NF1: variants seen among roughly 807,000 people sequenced by gnomAD.
NF1 encodes neurofibromin 1, also known as neurofibromin.
Under a neutral mutation model 325.7 loss-of-function variants are expected in NF1, and 122 were observed. That is an observed-to-expected ratio of 0.37 (90% CI 0.32 to 0.44). NF1 has a LOEUF of 0.44. NF1 is among the 20% of genes least tolerant of loss of function. The probability of loss-of-function intolerance (pLI) is 1.00; values close to 1 mark genes in which losing one functional copy is unlikely to be tolerated. For synonymous variants in NF1, 1,091 were observed against 1,186.0 expected, an observed-to-expected ratio of 0.92 and a Z score of 1.65; for missense variants, 2,140 against 3,415.4, an observed-to-expected ratio of 0.63 and a Z score of 9.31.
rs768611775 is a variant in NF1 at position 31,230,332 on chromosome 17, A to C, written c.3063A>C (p.Val1021=). ...CGAAACTGTGTCAATTAGTTGAAGTAATGATGGCAAGGAGAGATGACCTCT... is the reference window on the plus strand; with the variant it reads ...CGAAACTGTGTCAATTAGTTGAAGTCATGATGGCAAGGAGAGATGACCTCT... ...IKTKLCQLVE[V]MMARRDDLSF... is the part of the protein sequence containing the mutation. Residue 1021 remains valine, a synonymous_variant, in exon 23 of 58, where the codon GTA becomes GTC. Coordinates refer to ENST00000358273, the MANE Select transcript of NF1 (RefSeq NM_001042492.3). The C allele has an allele frequency of 2.7e-5, 44 of 1,613,550 alleles. No homozygotes were observed. Among genetic ancestry groups the C allele is most frequent in the Non-Finnish European group, 3.6e-5 (43 of 1,179,602 alleles).
rs559973245 is a variant in NF1 at position 31,318,511 on chromosome 17, C to T, written c.4836-7309C>T. 7 of 1,613,964 alleles carry T rather than the reference C, an allele frequency of 4.3e-6. No individual in the cohort carries two copies. Among genetic ancestry groups the T allele is most frequent in the South Asian group, 2.2e-5 (2 of 91,072 alleles). On this transcript the variant is annotated intron_variant, in intron 36 of 57. Transcript: ENST00000358273. ...CTGACGCTTGCCTACTTGTTTTGAT[C>T]GTCTGAGAGAAGAGACTTTGTTTGC...
Position 31,349,241 on chromosome 17 carries a change from C to A in NF1, c.7311C>A (p.Ala2437=), listed in dbSNP as rs876659893. 6.2e-7 allele frequency: 1 copy of A among 1,612,916 alleles called. No individual in the cohort carries two copies. Among genetic ancestry groups the A allele is most frequent in the Non-Finnish European group, 8.5e-7 (1 of 1,179,706 alleles). Residue 2437 remains alanine (A), a synonymous_variant, in exon 49 of 58, where the codon GCC becomes GCA. Transcript: ENST00000358273. ...TTGAAGTGAATACACAGAGCGTGGC[C>A]TACTTAGCAGGTAAAAACACAAAAT... ...DKFEVNTQSV[A]YLAALLTVSE...
rs1457595295 is a variant in NF1 at position 31,356,408 on chromosome 17, T to C, written c.7616-52T>C. ...ACATTTTCTTTTTAGTGTATTCCCATTTATAGACACTGTAGTTAATGAACT... is the reference window on the plus strand; with the variant it reads ...ACATTTTCTTTTTAGTGTATTCCCACTTATAGACACTGTAGTTAATGAACT... On this transcript the variant is annotated intron_variant, in intron 51 of 57. Transcript: ENST00000358273. 7 of 1,585,674 alleles carry C rather than the reference T, an allele frequency of 4.4e-6. No homozygotes were observed. The South Asian group carries it at 7.8e-5, about 18-fold the overall frequency.
chr17:31,121,392 A>ATTTT (rs1914414877), intron 1 of NF1, among the ~76,000 whole-genome samples: 4 of 115,636 alleles, frequency 3.5e-5, no homozygotes, highest in African/African-American at 1.5e-4. Context: ...GCAAATCACT[A>ATTTT]TTCTTTTTTT....
At chr17:31,097,056 T>C (rs1911792149) in intron 1 of NF1, among the ~76,000 whole-genome samples, 1 of 152,222 alleles carries the variant, frequency 6.6e-6, no homozygotes, top group South Asian at 2.1e-4. Context: ...TCTCCTTAAA[T>C]TTTAAAAATT....
At chr17:31,325,772 A>T in intron 36 of NF1, 48 bp from the exon 37 acceptor site, 1 of 1,432,228 alleles carries the variant, frequency 7.0e-7, no homozygotes, top group African/African-American at 1.4e-5. Context: ...CTGTATATTT[A>T]TTTTAAACAC....
intron 29 of NF1, among the ~76,000 whole-genome samples, chr17:31,244,856 G>C (rs1230871455): frequency 2.0e-5 from 3 of 152,120 alleles, no homozygotes; most frequent in Non-Finnish European, 4.4e-5. Flanking sequence ...TCCAATAAGG[G>C]GGACGATCCC....
intron 28 of NF1, 51 bp from the exon 29 acceptor site, chr17:31,235,867 G>A: frequency 6.2e-7 from 1 of 1,609,296 alleles, no homozygotes; most frequent in South Asian, 1.1e-5. Flanking sequence ...TTCTTTTAAG[G>A]TAAAATATAT....
In NF1 at chr17:31,278,531, T is replaced by A. The variant is rs866018457; in HGVS notation, c.4835+13192T>A. On this transcript the variant is annotated intron_variant, in intron 36 of 57. Transcript: ENST00000358273. ...TTTTTTTTTTTTTTTTTTTTTTTTTTAGAAAATCCTATTAAGTTTTATGCC... is the reference window on the plus strand; with the variant it reads ...TTTTTTTTTTTTTTTTTTTTTTTTTAAGAAAATCCTATTAAGTTTTATGCC... Among the ~76,000 whole-genome samples, 806 of 118,184 alleles carry A rather than the reference T, an allele frequency of 6.8e-3. 22 individuals are homozygous for A. The highest frequency in any genetic ancestry group is 0.024 in the African/African-American group (772 of 32,428). 77.5% of individuals were successfully genotyped at this position (118,184 alleles called of 152,430 possible).
chr17:31,341,172 GA>G, intron 47 of NF1, among the ~76,000 whole-genome samples: 1 of 152,160 alleles, frequency 6.6e-6, no homozygotes, highest in East Asian at 1.9e-4. Context: ...GAGTCTAAAG[GA>G]AACTTTTGGG....
At chr17:31,264,478 A>G (rs544737363) in intron 35 of NF1, among the ~76,000 whole-genome samples, 1 of 152,276 alleles carries the variant, frequency 6.6e-6, no homozygotes, top group South Asian at 2.1e-4. Flanking sequence ...GCATACAGTC[A>G]GTATAGACAG....
chr17:31,145,769 A>G (rs1426879290), intron 1 of NF1, among the ~76,000 whole-genome samples: 1 of 152,188 alleles, frequency 6.6e-6, no homozygotes, highest in Non-Finnish European at 1.5e-5. Flanking sequence ...CTAAAGGGAG[A>G]TGAAGTAAAG....
chr17:31,256,001 G>A (rs1484484072), intron 31 of NF1, among the ~76,000 whole-genome samples: 1 of 152,096 alleles, frequency 6.6e-6, no homozygotes, highest in Non-Finnish European at 1.5e-5. Flanking sequence ...ATTTTAATGA[G>A]TTAAACGTAT....
intron 8 of NF1, among the ~76,000 whole-genome samples, chr17:31,188,314 G>A (rs1488321216): frequency 6.6e-6 from 1 of 152,274 alleles, no homozygotes; most frequent in East Asian, 1.9e-4. Flanking sequence ...AAACATGTTT[G>A]TGCATGTATA....
At chr17:31,102,972 A>C (rs1912489357) in intron 1 of NF1, among the ~76,000 whole-genome samples, 1 of 151,776 alleles carries the variant, frequency 6.6e-6, no homozygotes, top group African/African-American at 2.4e-5. Flanking sequence ...CAGCCTCCCA[A>C]GTAGCTGGCA....
intron 36 of NF1, chr17:31,304,275 T>C: frequency 6.2e-7 from 1 of 1,608,640 alleles, no homozygotes; most frequent in Admixed American, 1.7e-5. Flanking sequence ...ATAACAGTTC[T>C]GCAGGTGGAG....
chr17:31,190,447 C>T lies in NF1; in HGVS notation c.888+7782C>T, dbSNP rs2066323426. Among the ~76,000 whole-genome samples, 6 of 152,218 alleles carry T rather than the reference C, an allele frequency of 3.9e-5. No individual in the cohort carries two copies. The South Asian group carries it at 1.0e-3, about 26-fold the overall frequency. ...TTTTAAAATGAAATTATTTTATGCACATTACTCTGCATCGTTGTTTATCTA... is the reference window on the plus strand; with the variant it reads ...TTTTAAAATGAAATTATTTTATGCATATTACTCTGCATCGTTGTTTATCTA... On this transcript the variant is annotated intron_variant, in intron 8 of 57. Transcript: ENST00000358273.
rs1228064933 is a variant in NF1 at position 31,286,900 on chromosome 17, G to T, written c.4835+21561G>T. Among the ~76,000 whole-genome samples the T allele has an allele frequency of 2.0e-5, 3 of 152,180 alleles. No individual in the cohort carries two copies. In the East Asian group the frequency reaches 5.8e-4, roughly 29 times the overall value. On this transcript the variant is annotated intron_variant, in intron 36 of 57. Coordinates refer to ENST00000358273, the MANE Select transcript of NF1 (RefSeq NM_001042492.3). Reference sequence around the variant, plus strand: ...CTTAGTTAATTTTCTGTTGAGGCAAGCATTTGACATTCATTCGAATTCCCT... The same window carrying T: ...CTTAGTTAATTTTCTGTTGAGGCAATCATTTGACATTCATTCGAATTCCCT...
intron 1 of NF1, among the ~76,000 whole-genome samples, chr17:31,113,403 G>A (rs1048692190): frequency 2.0e-5 from 3 of 151,916 alleles, no homozygotes; most frequent in South Asian, 2.1e-4. Flanking sequence ...ATGCCACCAC[G>A]CTCGGCTCAT....
Sources: gnomAD v4.1 joint callset for allele counts (sites outside exome capture counted in the v4.1 genomes callset) on GRCh38, gnomAD v4.1.1 for gene constraint, MANE v1.5 for transcripts, NCBI Gene and HGNC (gene_info 2026-07-23, HGNC 2026-07-21) for gene names.